Variants in LIN28B observed in about 807,000 individuals in gnomAD.
The protein encoded by LIN28B is protein lin-28 homolog B.
A neutral mutation model predicts 21.9 loss-of-function variants in LIN28B; 5 were observed. The observed-to-expected ratio is 0.23, with a 90% CI of 0.12 to 0.48. LIN28B has a LOEUF of 0.48. Among genes scored for constraint, LIN28B ranks in the 20% least tolerant of loss-of-function variants. The pLI, the probability that LIN28B is intolerant of heterozygous loss-of-function variation, is 0.98. For missense variants in LIN28B, 245 were observed against 310.5 expected (o/e 0.79, Z 1.58); for synonymous variants, 109 against 111.3 (o/e 0.98, Z 0.13).
At chr6:104,990,854 T>C (rs1239704030) in intron 2 of LIN28B, among the ~76,000 whole-genome samples, 1 of 152,172 alleles carries the variant, frequency 6.6e-6, no homozygotes, top group African/African-American at 2.4e-5. Context: ...ACACAGCACA[T>C]GTTTCAGAGA....
At chr6:104,982,032 G>A (rs960529174) in intron 2 of LIN28B, among the ~76,000 whole-genome samples, 4 of 152,062 alleles carry the variant, frequency 2.6e-5, no homozygotes, top group African/African-American at 4.8e-5. Context: ...AAGGAATTAG[G>A]GCTTGGGCGC....
chr6:105,033,242 T>G (rs1490911085), intron 3 of LIN28B, among the ~76,000 whole-genome samples: 1 of 152,152 alleles, frequency 6.6e-6, no homozygotes, highest in Admixed American at 6.5e-5. Context: ...TTTCTGTCAT[T>G]TTTGGTTAAA....
intron 2 of LIN28B, among the ~76,000 whole-genome samples, chr6:105,010,362 C>CA (rs143121695): frequency 0.036 from 3,791 of 104,432 alleles, 170 homozygotes; most frequent in African/African-American, 0.11. Context: ...GACCCTGACT[C>CA]AAAAAAAAAA....
At chr6:105,018,793 AT>A (rs984085431) in intron 2 of LIN28B, among the ~76,000 whole-genome samples, 1 of 151,882 alleles carries the variant, frequency 6.6e-6, no homozygotes, top group African/African-American at 2.4e-5. Context: ...CCACTTAGTC[AT>A]TTCAAAATTT....
chr6:104,941,574 G>C (rs1236139343), intron 2 of LIN28B: 1 of 150,786 alleles, frequency 6.6e-6, no homozygotes, highest in Non-Finnish European at 1.5e-5. Flanking sequence ...GCACGGGGCC[G>C]CGCCGCCAGA....
chr6:104,993,672 C>T (rs557393641), intron 2 of LIN28B, among the ~76,000 whole-genome samples: 2 of 151,264 alleles, frequency 1.3e-5, no homozygotes, highest in East Asian at 3.9e-4. Flanking sequence ...CCTATCTCTA[C>T]AAAAATACAA....
intron 3 of LIN28B, among the ~76,000 whole-genome samples, chr6:105,044,247 C>T (rs1026307940): frequency 2.6e-5 from 4 of 152,130 alleles, no homozygotes; most frequent in African/African-American, 4.8e-5. Flanking sequence ...TTCTTCCATA[C>T]GTTACTTCTA....
At chr6:104,980,394 G>A (rs905426551) in intron 2 of LIN28B, among the ~76,000 whole-genome samples, 1 of 152,140 alleles carries the variant, frequency 6.6e-6, no homozygotes, top group African/African-American at 2.4e-5. Context: ...AAATGATGCA[G>A]GTGTTAAAAC....
intron 2 of LIN28B, among the ~76,000 whole-genome samples, chr6:105,017,090 AAAAG>A (rs1339521296): frequency 1.1e-4 from 16 of 151,754 alleles, no homozygotes; most frequent in African/African-American, 3.9e-4. Context: ...AAAAAAAAAA[AAAAG>A]AAAGATAACA....
intron 2 of LIN28B, among the ~76,000 whole-genome samples, chr6:105,015,710 G>C (rs1771013828): frequency 6.6e-6 from 1 of 152,102 alleles, no homozygotes; most frequent in South Asian, 2.1e-4. Flanking sequence ...AAGTGGTTGA[G>C]GACATGCATT....
chr6:105,055,026 A>G (rs1346952626), intron 3 of LIN28B, among the ~76,000 whole-genome samples: 1 of 152,004 alleles, frequency 6.6e-6, no homozygotes, highest in Non-Finnish European at 1.5e-5. Flanking sequence ...GTTATATATA[A>G]TTCATTTATT....
At chr6:104,985,178 A>G (rs1349459639) in intron 2 of LIN28B, among the ~76,000 whole-genome samples, 1 of 152,246 alleles carries the variant, frequency 6.6e-6, no homozygotes, top group Non-Finnish European at 1.5e-5. Context: ...GGAGCTTGTA[A>G]GTTGGACTAA....
chr6:105,035,683 T>C (rs1001446367), intron 3 of LIN28B, among the ~76,000 whole-genome samples: 2 of 152,196 alleles, frequency 1.3e-5, no homozygotes, highest in African/African-American at 4.8e-5. Context: ...AGGTACTATT[T>C]ATATAATAAT....
chr6:104,978,366 T>A, intron 2 of LIN28B, among the ~76,000 whole-genome samples: 1 of 152,162 alleles, frequency 6.6e-6, no homozygotes, highest in Non-Finnish European at 1.5e-5. Flanking sequence ...TGGTATTAAA[T>A]GTAACTAGTA....
chr6:105,060,872 AT>A (rs1772111460), intron 3 of LIN28B, among the ~76,000 whole-genome samples: 1 of 152,228 alleles, frequency 6.6e-6, no homozygotes, highest in Non-Finnish European at 1.5e-5. Context: ...AGTGGGAATA[AT>A]TTGTGAGTGA....
chr6:105,076,568 TTG>T (rs1266897121), intron 3 of LIN28B, among the ~76,000 whole-genome samples: 7 of 152,184 alleles, frequency 4.6e-5, no homozygotes, highest in Non-Finnish European at 1.0e-4. Flanking sequence ...TCACTTCTTG[TTG>T]TGAGTCTGGA....
intron 3 of LIN28B, among the ~76,000 whole-genome samples, chr6:105,064,278 CAA>C (rs1490705387): frequency 6.6e-6 from 1 of 152,116 alleles, no homozygotes; most frequent in Non-Finnish European, 1.5e-5. Context: ...AAAGGAGAAT[CAA>C]AGAATAGACA....
intron 3 of LIN28B, among the ~76,000 whole-genome samples, chr6:105,061,266 A>G (rs1214901844): frequency 2.6e-5 from 4 of 152,204 alleles, no homozygotes; most frequent in Non-Finnish European, 4.4e-5. Context: ...AACTACATAC[A>G]GGAAGAAATG....
At chr6:105,071,793 A>G (rs1394590719) in intron 3 of LIN28B, among the ~76,000 whole-genome samples, 2 of 152,220 alleles carry the variant, frequency 1.3e-5, no homozygotes, top group Non-Finnish European at 2.9e-5. Flanking sequence ...TTTGACTGGA[A>G]TTTTATTGAG....
Sources: allele counts gnomAD v4.1 joint callset (sites outside exome capture counted in the v4.1 genomes callset), GRCh38; gene constraint gnomAD v4.1.1; transcripts MANE v1.5; gene names NCBI Gene and HGNC (gene_info 2026-07-23, HGNC 2026-07-21).